SSH1: variants seen among roughly 807,000 people sequenced by gnomAD.
The protein encoded by SSH1 is protein phosphatase Slingshot homolog 1.
SSH1 carries 43 observed loss-of-function variants against 79.7 expected under a neutral mutation model. That is an observed-to-expected ratio of 0.54 (90% CI 0.42 to 0.70). The LOEUF (loss-of-function observed/expected upper bound fraction) is 0.70. SSH1 is among the 30% of genes least tolerant of loss of function. The pLI is 0.00. For missense variants in SSH1, 1,206 were observed against 1,358.8 expected (o/e 0.89, Z 1.77); for synonymous variants, 599 against 538.3 (o/e 1.11, Z -1.56).
chr12:108,841,150 G>A (rs531048398), intron 2 of SSH1, among the ~76,000 whole-genome samples: 2 of 152,214 alleles, frequency 1.3e-5, no homozygotes, highest in Admixed American at 6.5e-5. Flanking sequence ...AGCAGATGAC[G>A]CCTCTCAAGA....
rs1028048119 is a variant in SSH1, at chr12:108,781,179, G to A, written c.*6809C>T. ...CATGCCTATAATCTCAACACTTTGG[G>A]AGGCTGAGGCAGGAGGATCATCAGA... On this transcript the variant is annotated 3_prime_UTR_variant, in exon 15 of 15. Transcript: ENST00000326495. The A allele has an allele frequency of 6.6e-6, 1 of 152,234 alleles. No homozygotes were observed. Among genetic ancestry groups the A allele is most frequent in the Non-Finnish European group, 1.5e-5 (1 of 68,062 alleles). 9.4% of individuals were successfully genotyped at this position (152,234 alleles called of 1,614,324 possible).
At chr12:108,813,185 G>C (rs2037706067) in intron 5 of SSH1, among the ~76,000 whole-genome samples, 1 of 152,144 alleles carries the variant, frequency 6.6e-6, no homozygotes, top group South Asian at 2.1e-4. Flanking sequence ...CTTTTTAGAG[G>C]AAGAGTGACC....
chr12:108,802,682 G>A (rs1046964098), intron 10 of SSH1, among the ~76,000 whole-genome samples: 1 of 149,340 alleles, frequency 6.7e-6, no homozygotes. Flanking sequence ...GAGTCCAGTG[G>A]GGGGGGGTCC....
At chr12:108,805,695 A>T (rs1465184527) in intron 9 of SSH1, among the ~76,000 whole-genome samples, 2 of 42,260 alleles carry the variant, frequency 4.7e-5, no homozygotes, top group Admixed American at 6.2e-4. Flanking sequence ...CAAGTCTCTT[A>T]AAAAAAAAAA....
chr12:108,806,005 C>T lies in SSH1; in HGVS notation c.825+296G>A, dbSNP rs140227107. Among the ~76,000 whole-genome samples the T allele has an allele frequency of 6.0e-3, 911 of 152,070 alleles. 6 individuals carry two copies. Among genetic ancestry groups the T allele is most frequent in the Non-Finnish European group, 9.2e-3 (627 of 67,972 alleles). Reference sequence around the variant, plus strand: ...TAAAACAGATCAATGCTTCTCGGTGCAGTCTGTGGATCTCATGGACTTCTC... The same window carrying T: ...TAAAACAGATCAATGCTTCTCGGTGTAGTCTGTGGATCTCATGGACTTCTC... On this transcript the variant is annotated intron_variant, in intron 9 of 14. Transcript: ENST00000326495.
At chr12:108,852,509 C>A (rs529080313) in intron 2 of SSH1, 129 bp downstream of exon 2, 6 of 1,076,048 alleles carry the variant, frequency 5.6e-6, no homozygotes, top group East Asian at 2.4e-5. Flanking sequence ...GAATTACAGG[C>A]GTGACCCACC....
intron 2 of SSH1, among the ~76,000 whole-genome samples, chr12:108,824,585 C>G (rs1368619492): frequency 4.6e-5 from 7 of 152,168 alleles, no homozygotes; most frequent in Admixed American, 1.3e-4. Flanking sequence ...AATTTCTCAG[C>G]AGAATGAATC....
chr12:108,852,713 C>G (rs1226945390), intron 1 of SSH1, 35 bp from the exon 2 acceptor site: 49 of 1,613,746 alleles, frequency 3.0e-5, no homozygotes, highest in Non-Finnish European at 4.0e-5. Flanking sequence ...ACACCACAGG[C>G]ACCACTGTCA....
At chr12:108,793,859 CCT>C (rs1232561943) in intron 13 of SSH1, among the ~76,000 whole-genome samples, 4 of 152,228 alleles carry the variant, frequency 2.6e-5, no homozygotes, top group African/African-American at 9.7e-5. Flanking sequence ...AGCCATTCAT[CCT>C]CTCTGCTCGG....
In SSH1 at chr12:108,788,730, T is replaced by C. The variant is rs764147382; in HGVS notation, c.2408A>G (p.Asn803Ser). 2 of 1,614,220 alleles carry C rather than the reference T, an allele frequency of 1.2e-6. No individual in the cohort carries two copies. Among genetic ancestry groups the C allele is most frequent in the South Asian group, 1.1e-5 (1 of 91,082 alleles). ...CTCCTGGTGCTGCATCAGGTAGCTG[T>C]TGGTTGTCGGCTTCTCAGATTCATT... ...FSNESEKPTTNSYLMQHQESI... is the reference protein window; with the variant it reads ...FSNESEKPTTSSYLMQHQESI... The change falls in exon 15 of 15, where the codon AAC becomes AGC. Residue 803 changes from asparagine (N) to serine (S), a missense_variant. Coordinates refer to ENST00000326495, the MANE Select transcript of SSH1 (RefSeq NM_018984.4).
intron 2 of SSH1, among the ~76,000 whole-genome samples, chr12:108,829,326 T>C (rs2038416486): frequency 2.0e-5 from 3 of 152,082 alleles, no homozygotes; most frequent in African/African-American, 7.2e-5. Flanking sequence ...GACACTGTCT[T>C]GGGCAGGGGC....
chr12:108,822,890 A>T (rs1350548545), intron 3 of SSH1, among the ~76,000 whole-genome samples: 1 of 152,214 alleles, frequency 6.6e-6, no homozygotes, highest in Non-Finnish European at 1.5e-5. Flanking sequence ...TTAGGTATAC[A>T]GCACTCCAGA....
At chr12:108,832,257 G>A (rs922161398) in intron 2 of SSH1, among the ~76,000 whole-genome samples, 4 of 151,836 alleles carry the variant, frequency 2.6e-5, no homozygotes, top group South Asian at 2.1e-4. Flanking sequence ...AGATTGTACC[G>A]CTGCACTCCA....
intron 2 of SSH1, among the ~76,000 whole-genome samples, chr12:108,839,432 A>T: frequency 6.6e-6 from 1 of 152,162 alleles, no homozygotes; most frequent in East Asian, 1.9e-4. Context: ...GTGACAAGTG[A>T]TTTCCAGATG....
chr12:108,810,742 C>T lies in SSH1; in HGVS notation c.470+518G>A, dbSNP rs146411336. 6.3e-3 allele frequency among the ~76,000 whole-genome samples: 955 copies of T among 152,334 alleles called. 6 individuals are homozygous for T. The highest frequency in any genetic ancestry group is 9.3e-3 in the Non-Finnish European group (632 of 68,026). ...CCCACACACCTTCCTTGGGAGTGAACGCGTGCGGACGCTAGACGGCCCCTC... is the reference window on the plus strand; with the variant it reads ...CCCACACACCTTCCTTGGGAGTGAATGCGTGCGGACGCTAGACGGCCCCTC... On this transcript the variant is annotated intron_variant, in intron 6 of 14. Coordinates refer to ENST00000326495, the MANE Select transcript of SSH1 (RefSeq NM_018984.4).
At position 108,780,328 on chromosome 12, in the gene SSH1, G is replaced by A. The variant is rs1437666897; in HGVS notation, c.*7660C>T. On this transcript the variant is annotated 3_prime_UTR_variant, in exon 15 of 15. Coordinates refer to ENST00000326495, the MANE Select transcript of SSH1 (RefSeq NM_018984.4). ...GTGATCTGGGATCGTGCCCAACCGCGAGACAGTTACTCTGAGGAGGAAATC... is the reference window on the plus strand; with the variant it reads ...GTGATCTGGGATCGTGCCCAACCGCAAGACAGTTACTCTGAGGAGGAAATC... 2 of 152,154 alleles carry A rather than the reference G, an allele frequency of 1.3e-5. No homozygotes were observed. The highest frequency in any genetic ancestry group is 1.5e-5 in the Non-Finnish European group (1 of 68,032). The allele number at this position is 152,154 out of a possible 1,614,324, so 9.4% of individuals were successfully genotyped here.
At chr12:108,792,144 G>A in intron 14 of SSH1, 142 bp downstream of exon 14, 1 of 1,507,808 alleles carries the variant, frequency 6.6e-7, no homozygotes. Flanking sequence ...TGGGAGCTGG[G>A]GGCCCAGAGG....
At chr12:108,819,684 C>T (rs573087351) in intron 3 of SSH1, among the ~76,000 whole-genome samples, 11 of 152,232 alleles carry the variant, frequency 7.2e-5, no homozygotes, top group Middle Eastern at 3.4e-3. Context: ...AAAAAATTAG[C>T]TGGGCTTTCT....
chr12:108,799,256 A>G, intron 12 of SSH1, 56 bp from the exon 13 acceptor site: 1 of 1,465,668 alleles, frequency 6.8e-7, no homozygotes, highest in South Asian at 1.2e-5. Context: ...GTGGGGAAGG[A>G]GTTAAAAAGC....
Sources: gnomAD v4.1 joint callset for allele counts (sites outside exome capture counted in the v4.1 genomes callset) on GRCh38, gnomAD v4.1.1 for gene constraint, MANE v1.5 for transcripts, NCBI Gene and HGNC (gene_info 2026-07-23, HGNC 2026-07-21) for gene names.